Variants in RYK observed in about 807,000 individuals in gnomAD.
RYK encodes the protein inactive tyrosine-protein kinase RYK.
RYK carries 21 observed loss-of-function variants against 70.2 expected under a neutral mutation model. The ratio of observed to expected loss-of-function variants is 0.30; its 90% confidence interval spans 0.21 to 0.43. RYK has a LOEUF of 0.43. RYK is among the 20% of genes least tolerant of loss of function. The pLI, the probability that RYK is intolerant of heterozygous loss-of-function variation, is 1.00. For synonymous variants in RYK, 267 were observed against 278.0 expected, an observed-to-expected ratio of 0.96 and a Z score of 0.39; for missense variants, 604 against 753.3, an observed-to-expected ratio of 0.80 and a Z score of 2.32.
In RYK at chr3:134,175,374, A is replaced by C. The variant is rs577778307; in HGVS notation, c.1575+235T>G. On this transcript the variant is annotated intron_variant, in intron 13 of 14. Coordinates refer to ENST00000623711, the MANE Select transcript of RYK (RefSeq NM_002958.4). Reference sequence around the variant, plus strand: ...AAAAAAAAAAAAAAGTGCTTCTGTCAGAGCAGTACTGTGAGGATGAAATGA... The same window carrying C: ...AAAAAAAAAAAAAAGTGCTTCTGTCCGAGCAGTACTGTGAGGATGAAATGA... 2.2e-3 allele frequency among the ~76,000 whole-genome samples: 327 copies of C among 151,454 alleles called. 1 individual carries two copies. Among genetic ancestry groups the C allele is most frequent in the African/African-American group, 7.1e-3 (293 of 41,196 alleles).
intron 11 of RYK, among the ~76,000 whole-genome samples, chr3:134,176,584 AT>A (rs58513203): frequency 0.086 from 13,002 of 151,410 alleles, 1,161 homozygotes; most frequent in South Asian, 0.32. Context: ...ACACAAAATG[AT>A]TTTTTTTTAA....
intron 1 of RYK, among the ~76,000 whole-genome samples, chr3:134,243,640 C>T (rs2015380795): frequency 6.6e-6 from 1 of 152,146 alleles, no homozygotes; most frequent in Admixed American, 6.5e-5. Flanking sequence ...CAGCTGCTTC[C>T]ACCCTCTATG....
At chr3:134,233,832 T>C (rs940695367) in intron 1 of RYK, among the ~76,000 whole-genome samples, 6 of 152,176 alleles carry the variant, frequency 3.9e-5, no homozygotes, top group African/African-American at 1.4e-4. Flanking sequence ...GAGTTTTGCT[T>C]AGAATATAAC....
Position 134,158,014 on chromosome 3 carries a change from T to G in RYK, c.*139A>C. The G allele has an allele frequency of 2.4e-6, 1 of 416,244 alleles. No homozygotes were observed. The highest frequency in any genetic ancestry group is 2.0e-5 in the African/African-American group (1 of 49,230). 25.8% of individuals were successfully genotyped at this position (416,244 alleles called of 1,614,324 possible). Reference sequence around the variant, plus strand: ...AGTCTGTCTTAAAAAGTTCAGATTCTAAAGCATTTCTAAGGCACGGTGTTC... The same window carrying G: ...AGTCTGTCTTAAAAAGTTCAGATTCGAAAGCATTTCTAAGGCACGGTGTTC... On this transcript the variant is annotated 3_prime_UTR_variant, in exon 15 of 15. Transcript: ENST00000623711.
chr3:134,188,861 G>T lies in RYK; in HGVS notation c.1078C>A (p.Gln360Lys), dbSNP rs1325329825. The T allele has an allele frequency of 1.3e-6, 2 of 1,577,714 alleles. No individual in the cohort carries two copies. Among genetic ancestry groups the T allele is most frequent in the Non-Finnish European group, 1.7e-6 (2 of 1,152,116 alleles). The part of the protein sequence containing the change: ...IDEKDPNKEK[Q>K]AFVKTVKDQA... ...CCTTTAACTGTTTTGACAAATGCTT[G>T]TTTTTCTTTATTTGGATCTTTTTCA... Residue 360 changes from glutamine to lysine, a missense_variant, in exon 9 of 15, where the codon CAA becomes AAA. By Grantham distance (53) the Gln-to-Lys change is moderately conservative. This residue lies in a region of RYK where 466 missense variants were observed against 535.9 expected (regional missense o/e 0.87). Transcript: ENST00000623711.
At chr3:134,185,612 T>C (rs1443376748) in intron 9 of RYK, among the ~76,000 whole-genome samples, 2 of 152,190 alleles carry the variant, frequency 1.3e-5, no homozygotes, top group Non-Finnish European at 1.5e-5. Context: ...TCTTAGTAAA[T>C]AGCAAAATGT....
intron 1 of RYK, among the ~76,000 whole-genome samples, chr3:134,226,038 G>T (rs935733241): frequency 1.3e-5 from 2 of 151,902 alleles, no homozygotes; most frequent in African/African-American, 4.8e-5. Context: ...AATCATACAG[G>T]CTACCTTCCC....
intron 13 of RYK, among the ~76,000 whole-genome samples, chr3:134,161,302 G>A (rs2012463589): frequency 6.6e-6 from 1 of 152,214 alleles, no homozygotes; most frequent in African/African-American, 2.4e-5. Flanking sequence ...AAAGCCTAGA[G>A]TAGGTTTTTT....
chr3:134,164,530 T>G (rs1306646377), intron 13 of RYK, among the ~76,000 whole-genome samples: 1 of 152,256 alleles, frequency 6.6e-6, no homozygotes, highest in Non-Finnish European at 1.5e-5. Context: ...ACTGTTTTCC[T>G]AGCTTCTTTT....
chr3:134,216,792 CAAAAAAAAAA>C lies in RYK; in HGVS notation c.355-5195_355-5186del, dbSNP rs61441674. Among the ~76,000 whole-genome samples, 126 of 37,422 alleles carry C rather than the reference CAAAAAAAAAA, an allele frequency of 3.4e-3. 1 individual carries two copies. In the Middle Eastern group the frequency reaches 0.068, roughly 20 times the overall value. 24.6% of individuals were successfully genotyped at this position (37,422 alleles called of 152,430 possible). On this transcript the variant is annotated intron_variant, in intron 2 of 14. Coordinates refer to ENST00000623711, the MANE Select transcript of RYK (RefSeq NM_002958.4). ...TGGGCGACAGAGTGAGACTCTGTCT[CAAAAAAAAAA>C]AAAAAAAAAAAAAAAAAAAGCTACT...
intron 1 of RYK, among the ~76,000 whole-genome samples, chr3:134,237,735 T>C (rs1315108823): frequency 6.6e-6 from 1 of 152,236 alleles, no homozygotes; most frequent in Non-Finnish European, 1.5e-5. Flanking sequence ...ATGATGTTAA[T>C]GTCCCTCTCC....
chr3:134,173,755 A>C (rs2013003849), intron 13 of RYK, among the ~76,000 whole-genome samples: 2 of 152,348 alleles, frequency 1.3e-5, no homozygotes, highest in East Asian at 3.9e-4. Flanking sequence ...AATATCAAAT[A>C]GCACATAGTT....
At chr3:134,203,005 T>A in intron 5 of RYK, 131 bp from the exon 6 acceptor site, 1 of 698,730 alleles carries the variant, frequency 1.4e-6, no homozygotes, top group Non-Finnish European at 2.3e-6. Context: ...CAGTAGCATA[T>A]TGGTGGAAGT....
intron 1 of RYK, among the ~76,000 whole-genome samples, chr3:134,226,374 G>A (rs1208613798): frequency 1.3e-5 from 2 of 152,004 alleles, no homozygotes; most frequent in African/African-American, 4.8e-5. Context: ...CCAAAAGAAA[G>A]CTCCAGGTCC....
intron 1 of RYK, among the ~76,000 whole-genome samples, chr3:134,239,721 T>C (rs145037940): frequency 2.9e-4 from 44 of 152,238 alleles, no homozygotes; most frequent in African/African-American, 1.0e-3. Flanking sequence ...GTGCTAAAAA[T>C]AGAAAGTGGA....
At chr3:134,236,866 G>A (rs2015210944) in intron 1 of RYK, among the ~76,000 whole-genome samples, 1 of 152,110 alleles carries the variant, frequency 6.6e-6, no homozygotes, top group Admixed American at 6.6e-5. Context: ...GAACTAAAGA[G>A]GTAGCATTTT....
At chr3:134,213,726 C>T (rs562896968) in intron 2 of RYK, among the ~76,000 whole-genome samples, 21 of 152,294 alleles carry the variant, frequency 1.4e-4, no homozygotes, top group Middle Eastern at 3.4e-3. Context: ...ACAGTAGGGT[C>T]GGCACTCTTT....
At chr3:134,212,495 T>C (rs546910822) in intron 2 of RYK, among the ~76,000 whole-genome samples, 7 of 152,320 alleles carry the variant, frequency 4.6e-5, no homozygotes, top group African/African-American at 9.6e-5. Flanking sequence ...AAAGGTATCA[T>C]TGGTGGCAGA....
At chr3:134,231,161 A>G (rs1476355915) in intron 1 of RYK, among the ~76,000 whole-genome samples, 2 of 151,638 alleles carry the variant, frequency 1.3e-5, no homozygotes, top group Non-Finnish European at 2.9e-5. Flanking sequence ...GTTAAGCTAG[A>G]TAAAAAGTAC....
Sources: gnomAD v4.1 joint callset for allele counts (sites outside exome capture counted in the v4.1 genomes callset) on GRCh38, gnomAD v4.1.1 for gene constraint, gnomAD v4.1.1 regional missense constraint, MANE v1.5 for transcripts, NCBI Gene and HGNC (gene_info 2026-07-23, HGNC 2026-07-21) for gene names.